TCF4: variants seen among roughly 807,000 people sequenced by gnomAD.
The protein encoded by TCF4 is SL3-3 enhancer factor 2.
TCF4 carries 3 observed loss-of-function variants against 82.1 expected under a neutral mutation model. The observed-to-expected ratio is 0.04, with a 90% CI of 0.02 to 0.09. The LOEUF (loss-of-function observed/expected upper bound fraction) is 0.09, where lower values mean the gene tolerates loss of function less well. TCF4 is among the 10% of genes least tolerant of loss of function. TCF4 has a pLI of 1.00. For synonymous variants in TCF4, 276 were observed against 309.6 expected, an observed-to-expected ratio of 0.89 and a Z score of 1.14; for missense variants, 518 against 852.7, an observed-to-expected ratio of 0.61 and a Z score of 4.89.
At chr18:55,477,014 A>G (rs2096304966) in intron 3 of TCF4, among the ~76,000 whole-genome samples, 1 of 152,202 alleles carries the variant, frequency 6.6e-6, no homozygotes, top group Admixed American at 6.5e-5. Flanking sequence ...CTTGATATCA[A>G]TGATGGTGTT....
chr18:55,569,948 T>C (rs2097446510), intron 3 of TCF4, among the ~76,000 whole-genome samples: 1 of 152,090 alleles, frequency 6.6e-6, no homozygotes, highest in Non-Finnish European at 1.5e-5. Context: ...TAGCCCAAAG[T>C]CAAATGTGTA....
intron 8 of TCF4, among the ~76,000 whole-genome samples, chr18:55,297,154 T>G (rs909872892): frequency 7.2e-6 from 1 of 138,674 alleles, no homozygotes; most frequent in Non-Finnish European, 1.6e-5. Context: ...GAGGTTTTTT[T>G]TTTTTTTTTT....
intron 6 of TCF4, among the ~76,000 whole-genome samples, chr18:55,374,030 G>T (rs1427332195): frequency 1.3e-5 from 2 of 151,710 alleles, no homozygotes; most frequent in Non-Finnish European, 2.9e-5. Flanking sequence ...TATTAAAGTG[G>T]GACTGTGAAA....
intron 8 of TCF4, among the ~76,000 whole-genome samples, chr18:55,310,280 A>T (rs1003552386): frequency 2.0e-5 from 3 of 152,206 alleles, no homozygotes; most frequent in Admixed American, 2.0e-4. Flanking sequence ...GCAATAAATG[A>T]AAGCATATCT....
At chr18:55,457,377 T>G (rs1449925741) in intron 5 of TCF4, among the ~76,000 whole-genome samples, 1 of 152,258 alleles carries the variant, frequency 6.6e-6, no homozygotes, top group Non-Finnish European at 1.5e-5. Flanking sequence ...TGTGCATGCA[T>G]GTATAACCAC....
At chr18:55,518,432 T>C (rs878918176) in intron 3 of TCF4, among the ~76,000 whole-genome samples, 1 of 151,992 alleles carries the variant, frequency 6.6e-6, no homozygotes, top group Non-Finnish European at 1.5e-5. Context: ...TCACCAAATA[T>C]GTAGGAGAGA....
chr18:55,600,336 C>T (rs926872627), intron 2 of TCF4, among the ~76,000 whole-genome samples: 2 of 152,146 alleles, frequency 1.3e-5, no homozygotes, highest in Non-Finnish European at 1.5e-5. Context: ...TGCAATCATA[C>T]CAGCAATGTA....
intron 1 of TCF4, among the ~76,000 whole-genome samples, chr18:55,631,591 G>A (rs979848640): frequency 2.6e-5 from 4 of 152,154 alleles, no homozygotes; most frequent in Non-Finnish European, 5.9e-5. Context: ...CAAATACATA[G>A]ACACACTTAA....
At chr18:55,442,366 A>C (rs1460097062) in intron 5 of TCF4, among the ~76,000 whole-genome samples, 1 of 152,228 alleles carries the variant, frequency 6.6e-6, no homozygotes. Flanking sequence ...AAAACCACTA[A>C]GCTTTTGCTA....
At chr18:55,407,184 GGT>G (rs2094134655) in intron 5 of TCF4, among the ~76,000 whole-genome samples, 2 of 152,184 alleles carry the variant, frequency 1.3e-5, no homozygotes, top group East Asian at 3.9e-4. Context: ...TTTTGCTGCT[GGT>G]GACGATTTGC....
chr18:55,243,679 C>A (rs1235834677), intron 15 of TCF4, among the ~76,000 whole-genome samples: 3 of 152,012 alleles, frequency 2.0e-5, no homozygotes, highest in Non-Finnish European at 4.4e-5. Flanking sequence ...TTTTTGCAAG[C>A]AGTAGGTATC....
chr18:55,380,262 ACTTTT>A (rs1413461579), intron 6 of TCF4, among the ~76,000 whole-genome samples: 1 of 150,318 alleles, frequency 6.7e-6, no homozygotes, highest in Non-Finnish European at 1.5e-5. Context: ...CTCTTCCTTT[ACTTTT>A]CTTTTTTTTT....
intron 18 of TCF4, 67 bp from the exon 19 acceptor site, chr18:55,228,428 CTCT>C: frequency 1.3e-6 from 2 of 1,595,254 alleles, no homozygotes; most frequent in Non-Finnish European, 1.7e-6. Flanking sequence ...CAGCAATGCA[CTCT>C]TCTTGCGTGT....
chr18:55,382,983 T>C (rs1256889188), intron 6 of TCF4, among the ~76,000 whole-genome samples: 3 of 152,344 alleles, frequency 2.0e-5, no homozygotes, highest in Middle Eastern at 3.4e-3. Context: ...TACTTAGGAT[T>C]TGAGTTAGGA....
chr18:55,448,770 T>C (rs1392368113), intron 5 of TCF4, among the ~76,000 whole-genome samples: 2 of 152,234 alleles, frequency 1.3e-5, no homozygotes, highest in Non-Finnish European at 1.5e-5. Context: ...AGAAGTCACA[T>C]AGAGGCTTTT....
At chr18:55,460,068 T>C (rs942857753) in intron 5 of TCF4, among the ~76,000 whole-genome samples, 4 of 152,164 alleles carry the variant, frequency 2.6e-5, no homozygotes, top group Non-Finnish European at 5.9e-5. Context: ...ATCATGACAT[T>C]CTTTAGAAGC....
At chr18:55,294,009 C>A (rs1259591583) in intron 8 of TCF4, among the ~76,000 whole-genome samples, 1 of 128,340 alleles carries the variant, frequency 7.8e-6, no homozygotes, top group Admixed American at 9.8e-5. Flanking sequence ...CCTGTAATCC[C>A]AGGACTTTGG....
chr18:55,262,462 T>C (rs991629510), intron 11 of TCF4, among the ~76,000 whole-genome samples: 10 of 152,324 alleles, frequency 6.6e-5, no homozygotes, highest in Admixed American at 4.6e-4. Flanking sequence ...AGACATAGTA[T>C]CTAAATAAAA....
At chr18:55,359,168 G>C (rs566797235) in intron 6 of TCF4, among the ~76,000 whole-genome samples, 19 of 152,236 alleles carry the variant, frequency 1.2e-4, no homozygotes, top group African/African-American at 4.3e-4. Context: ...CAGTTCTTTA[G>C]TCTGATCCTC....
Sources: gnomAD v4.1 joint callset for allele counts (sites outside exome capture counted in the v4.1 genomes callset) on GRCh38, gnomAD v4.1.1 for gene constraint, MANE v1.5 for transcripts, NCBI Gene and HGNC (gene_info 2026-07-23, HGNC 2026-07-21) for gene names.